Variants in TRDMT1 observed in about 807,000 individuals in gnomAD.
The protein encoded by TRDMT1 is tRNA (cytosine(38)-C(5))-methyltransferase.
In TRDMT1, 49 loss-of-function variants were observed where a neutral mutation model predicts 51.2. The observed-to-expected ratio is 0.96, with a 90% CI of 0.76 to 1.21. The LOEUF is 1.21. TRDMT1 is among the 50% of genes most tolerant of loss of function. The pLI, the probability that TRDMT1 is intolerant of heterozygous loss-of-function variation, is 0.00. For synonymous variants in TRDMT1, 187 were observed against 164.6 expected (o/e 1.14, Z -1.04); for missense variants, 534 against 462.3 (o/e 1.16, Z -1.42).
At chr10:17,182,091 G>A (rs954538019) in intron 1 of TRDMT1, among the ~76,000 whole-genome samples, 7 of 152,216 alleles carry the variant, frequency 4.6e-5, no homozygotes, top group Middle Eastern at 3.4e-3. Flanking sequence ...GTGACCCCTG[G>A]CTTTTTCTTG....
At chr10:17,198,298 G>A (rs148251671) in intron 1 of TRDMT1, among the ~76,000 whole-genome samples, 1 of 152,292 alleles carries the variant, frequency 6.6e-6, no homozygotes, top group African/African-American at 2.4e-5. Context: ...TCCACTGCTA[G>A]GTCTATACCC....
chr10:17,201,461 G>GCCCCACAGTGTCCA (rs1846159451), intron 1 of TRDMT1, 110 bp downstream of exon 1: 3 of 1,220,634 alleles, frequency 2.5e-6, no homozygotes, highest in Non-Finnish European at 3.4e-6. Context: ...CACAGTGTCC[G>GCCCCACAGTGTCCA]CCCCACAGTG....
rs1173370858 is a variant in TRDMT1 at position 17,142,612 on chromosome 10, G to A, written c.*6428C>T. On this transcript the variant is annotated 3_prime_UTR_variant, in exon 11 of 11. Transcript: ENST00000377799. ...TCTCAGGTCTGGATGTTTGTCAGTGGGATTCCTGATATACCCCCGTGCTGG... is the reference window on the plus strand; with the variant it reads ...TCTCAGGTCTGGATGTTTGTCAGTGAGATTCCTGATATACCCCCGTGCTGG... 1 of 152,164 alleles carries A rather than the reference G, an allele frequency of 6.6e-6. No individual in the cohort carries two copies. Among genetic ancestry groups the A allele is most frequent in the African/African-American group, 2.4e-5 (1 of 41,416 alleles). The allele number at this position is 152,164 out of a possible 1,614,324, so 9.4% of individuals were successfully genotyped here.
At chr10:17,187,248 T>C (rs567076274) in intron 1 of TRDMT1, among the ~76,000 whole-genome samples, 3 of 152,238 alleles carry the variant, frequency 2.0e-5, no homozygotes, top group Middle Eastern at 3.4e-3. Context: ...TTACTAATAT[T>C]GCTAAAAATA....
At chr10:17,160,283 C>T (rs1330367824) in intron 6 of TRDMT1, 22 bp downstream of exon 6, 2 of 1,415,492 alleles carry the variant, frequency 1.4e-6, no homozygotes, top group Non-Finnish European at 1.9e-6. Flanking sequence ...TTTATATAAG[C>T]ATTTATAACT....
At chr10:17,164,947 A>C (rs1461257926) in intron 3 of TRDMT1, among the ~76,000 whole-genome samples, 1 of 152,226 alleles carries the variant, frequency 6.6e-6, no homozygotes, top group Non-Finnish European at 1.5e-5. Flanking sequence ...ACATTGCCCA[A>C]GGTAATTTAT....
chr10:17,146,132 T>A lies in TRDMT1; in HGVS notation c.*2908A>T. ...AGCCTCTCTACTAAATAACTTTACC[T>A]CTTTGAAAAGTTGGATAATTTCAAG... is the stretch of plus-strand genomic sequence containing the variant. On this transcript the variant is annotated 3_prime_UTR_variant, in exon 11 of 11. Transcript: ENST00000377799. 1 of 985,458 alleles carries A rather than the reference T, an allele frequency of 1.0e-6. No homozygotes were observed. Among genetic ancestry groups the A allele is most frequent in the Non-Finnish European group, 1.2e-6 (1 of 829,928 alleles). 61.0% of individuals were successfully genotyped at this position (985,458 alleles called of 1,614,324 possible).
chr10:17,169,440 G>T, intron 2 of TRDMT1: 2 of 1,289,156 alleles, frequency 1.6e-6, no homozygotes, highest in Middle Eastern at 2.1e-4. Context: ...ATTTTGTTTT[G>T]CAGTTGTGTG....
chr10:17,137,462 G>C lies in TRDMT1; in HGVS notation c.*11578C>G, dbSNP rs150909593. Reference sequence around the variant, plus strand: ...TGTGACAAGATGGCACAGATACACAGTAGCATGCTGTTAAGTAAACAGCAG... The same window carrying C: ...TGTGACAAGATGGCACAGATACACACTAGCATGCTGTTAAGTAAACAGCAG... On this transcript the variant is annotated 3_prime_UTR_variant, in exon 11 of 11. Transcript: ENST00000377799. 3 of 152,334 alleles carry C rather than the reference G, an allele frequency of 2.0e-5. No individual in the cohort carries two copies. The highest frequency in any genetic ancestry group is 7.2e-5 in the African/African-American group (3 of 41,578). 9.4% of individuals were successfully genotyped at this position (152,334 alleles called of 1,614,324 possible).
intron 2 of TRDMT1, among the ~76,000 whole-genome samples, chr10:17,173,408 A>C (rs1418843891): frequency 6.6e-6 from 1 of 152,374 alleles, no homozygotes; most frequent in South Asian, 2.1e-4. Flanking sequence ...GAATTCCAAA[A>C]CCATCAACAC....
intron 1 of TRDMT1, among the ~76,000 whole-genome samples, chr10:17,182,128 T>C (rs907775610): frequency 6.6e-6 from 1 of 152,208 alleles, no homozygotes; most frequent in Admixed American, 6.5e-5. Flanking sequence ...AAGAGTAGCT[T>C]GATCTTTCTT....
rs1837789096 is a variant in TRDMT1 at position 17,142,761 on chromosome 10, T to A, written c.*6279A>T. On this transcript the variant is annotated 3_prime_UTR_variant, in exon 11 of 11. Coordinates refer to ENST00000377799, the MANE Select transcript of TRDMT1 (RefSeq NM_004412.7). Reference sequence around the variant, plus strand: ...GGGAAACATCAAGCCTGGGTAACCTTCCTCTGTTGGGTGAGGGGTCAGATG... The same window carrying A: ...GGGAAACATCAAGCCTGGGTAACCTACCTCTGTTGGGTGAGGGGTCAGATG... 1 of 161,462 alleles carries A rather than the reference T, an allele frequency of 6.2e-6. No individual in the cohort carries two copies. 10.0% of individuals were successfully genotyped at this position (161,462 alleles called of 1,614,324 possible).
chr10:17,172,261 T>C (rs1842127475), intron 2 of TRDMT1, among the ~76,000 whole-genome samples: 1 of 152,178 alleles, frequency 6.6e-6, no homozygotes, highest in African/African-American at 2.4e-5. Context: ...CAGAAATTAT[T>C]ACAGACCTTA....
chr10:17,161,346 A>T, intron 5 of TRDMT1, 137 bp downstream of exon 5: 1 of 544,020 alleles, frequency 1.8e-6, no homozygotes, highest in Non-Finnish European at 2.7e-6. Context: ...TAGTAAAATC[A>T]ATACTGATGA....
In TRDMT1 at chr10:17,143,648, T is replaced by C. The variant is rs1588680415; in HGVS notation, c.*5392A>G. The C allele has an allele frequency of 2.5e-5, 25 of 985,424 alleles. No individual in the cohort carries two copies. Among genetic ancestry groups the C allele is most frequent in the Non-Finnish European group, 3.0e-5 (25 of 829,924 alleles). The allele number at this position is 985,424 out of a possible 1,614,324, so 61.0% of individuals were successfully genotyped here. On this transcript the variant is annotated 3_prime_UTR_variant, in exon 11 of 11. Transcript: ENST00000377799. Reference sequence around the variant, plus strand: ...TGTTTAACCAAGCACACAAATATGATTGCAAATATATGTGTGGGTGTTTTT... The same window carrying C: ...TGTTTAACCAAGCACACAAATATGACTGCAAATATATGTGTGGGTGTTTTT...
At position 17,141,745 on chromosome 10, in the gene TRDMT1, T is replaced by C. The variant is rs971892133; in HGVS notation, c.*7295A>G. Among the ~76,000 whole-genome samples the C allele has an allele frequency of 2.0e-5, 3 of 152,352 alleles. No individual in the cohort carries two copies. Among genetic ancestry groups the C allele is most frequent in the East Asian group, 1.9e-4 (1 of 5,190 alleles). On this transcript the variant is annotated 3_prime_UTR_variant, in exon 11 of 11. Transcript: ENST00000377799. ...TACTGATCTCAAGTTTAGCAAAAGA[T>C]ATAAATGTACAGATTCAAGAAGGTG...
Position 17,148,774 on chromosome 10 carries a change from A to G in TRDMT1, c.*266T>C, listed in dbSNP as rs950903372. 12 of 1,039,882 alleles carry G rather than the reference A, an allele frequency of 1.2e-5. No homozygotes were observed. The highest frequency in any genetic ancestry group is 1.4e-5 in the Non-Finnish European group (12 of 859,132). 64.4% of individuals were successfully genotyped at this position (1,039,882 alleles called of 1,614,324 possible). A position where few individuals can be genotyped will look rare whatever the true frequency, so the allele number is the denominator to read the frequency against. On this transcript the variant is annotated 3_prime_UTR_variant, in exon 11 of 11. Transcript: ENST00000377799. ...TGATTTGTTTATAAAATTGTTTTTA[A>G]AAAGAATATTCCACATATATATTTA... is the stretch of plus-strand genomic sequence containing the variant.
Position 17,143,776 on chromosome 10 carries a change from G to C in TRDMT1, c.*5264C>G, listed in dbSNP as rs1404288819. The C allele has an allele frequency of 1.0e-6, 1 of 985,308 alleles. No homozygotes were observed. The highest frequency in any genetic ancestry group is 1.2e-6 in the Non-Finnish European group (1 of 829,934). The allele number at this position is 985,308 out of a possible 1,614,324, so 61.0% of individuals were successfully genotyped here. A position where few individuals can be genotyped will look rare whatever the true frequency, so the allele number is the denominator to read the frequency against. On this transcript the variant is annotated 3_prime_UTR_variant, in exon 11 of 11. Coordinates refer to ENST00000377799, the MANE Select transcript of TRDMT1 (RefSeq NM_004412.7). The stretch of plus-strand genomic sequence containing the variant: ...CAGAAGCTGACCAATGGAATGCAGA[G>C]TGAGAAGGAAGGTGAAGATGATCTT...
Position 17,140,747 on chromosome 10 carries a change from C to T in TRDMT1, c.*8293G>A, listed in dbSNP as rs1371940849. 1.5e-5 allele frequency among the ~76,000 whole-genome samples: 2 copies of T among 136,962 alleles called. No individual in the cohort carries two copies. Among genetic ancestry groups the T allele is most frequent in the Non-Finnish European group, 3.2e-5 (2 of 62,096 alleles). 89.9% of individuals were successfully genotyped at this position (136,962 alleles called of 152,430 possible). On this transcript the variant is annotated 3_prime_UTR_variant, in exon 11 of 11. Coordinates refer to ENST00000377799, the MANE Select transcript of TRDMT1 (RefSeq NM_004412.7). The stretch of plus-strand genomic sequence containing the variant: ...AAAACAAAAACAACAAAAAAGATCA[C>T]ATTCAATTGAAAAATATAAACAAGA...
Sources: allele counts gnomAD v4.1 joint callset (sites outside exome capture counted in the v4.1 genomes callset), GRCh38; gene constraint gnomAD v4.1.1; transcripts MANE v1.5; gene names NCBI Gene and HGNC (gene_info 2026-07-23, HGNC 2026-07-21).